Variants in TLE4 observed in about 807,000 individuals in gnomAD.
TLE4 encodes transducin-like enhancer protein 4.
In TLE4, 8 loss-of-function variants were observed where a neutral mutation model predicts 92.8. That is an observed-to-expected ratio of 0.09 (90% CI 0.05 to 0.16). The LOEUF (loss-of-function observed/expected upper bound fraction) is 0.16. Ranked by LOEUF, TLE4 falls within the 10% of genes least tolerant of loss-of-function variation. The pLI is 1.00. For missense variants in TLE4, 675 were observed against 997.6 expected (o/e 0.68, Z 4.36); for synonymous variants, 371 against 374.1 (o/e 0.99, Z 0.10).
chr9:79,591,104 G>A lies in TLE4; in HGVS notation c.252+14927G>A, dbSNP rs150456945. ...GGGCTAGCAGTTAGGAAAGGTAGGAGGCTTGCCTCCATGGAGAATCTAGTC... is the reference window on the plus strand; with the variant it reads ...GGGCTAGCAGTTAGGAAAGGTAGGAAGCTTGCCTCCATGGAGAATCTAGTC... On this transcript the variant is annotated intron_variant, in intron 4 of 19. Transcript: ENST00000376552. Among the ~76,000 whole-genome samples, 285 of 152,288 alleles carry A rather than the reference G, an allele frequency of 1.9e-3. 2 individuals are homozygous for A. Among genetic ancestry groups the A allele is most frequent in the Middle Eastern group, 3.4e-3 (1 of 294 alleles).
At chr9:79,673,129 G>A (rs1192717955) in intron 8 of TLE4, among the ~76,000 whole-genome samples, 2 of 152,152 alleles carry the variant, frequency 1.3e-5, no homozygotes, top group African/African-American at 4.8e-5. Context: ...GGAACGTGGA[G>A]GATACATCGC....
chr9:79,605,631 T>TG, intron 4 of TLE4, among the ~76,000 whole-genome samples: 1 of 152,154 alleles, frequency 6.6e-6, no homozygotes, highest in South Asian at 2.1e-4. Context: ...GCTTGAGCTC[T>TG]GGGGATAGAC....
At chr9:79,683,561 T>C (rs2065178456) in intron 8 of TLE4, among the ~76,000 whole-genome samples, 1 of 152,220 alleles carries the variant, frequency 6.6e-6, no homozygotes, top group Admixed American at 6.5e-5. Flanking sequence ...TTAGGAATCA[T>C]ACTGTGAGCC....
At chr9:79,716,020 T>C (rs1212941393) in intron 14 of TLE4, among the ~76,000 whole-genome samples, 1 of 152,124 alleles carries the variant, frequency 6.6e-6, no homozygotes, top group African/African-American at 2.4e-5. Context: ...CCCAGACTAG[T>C]TGTCTTTCGT....
chr9:79,679,841 C>A (rs1173967769), intron 8 of TLE4, among the ~76,000 whole-genome samples: 4 of 152,082 alleles, frequency 2.6e-5, no homozygotes, highest in Non-Finnish European at 5.9e-5. Flanking sequence ...ATATGGCTAG[C>A]CAGTTTTCCC....
rs530444539 is a variant in TLE4, at chr9:79,687,617, C to T, written c.610-17166C>T. ...AACCCTAATGAAGCAAGTCCCTTGT[C>T]ATTCCTTGGCCTCTTCCTTGCCCTT... On this transcript the variant is annotated intron_variant, in intron 8 of 19. Coordinates refer to ENST00000376552, the MANE Select transcript of TLE4 (RefSeq NM_007005.6). Among the ~76,000 whole-genome samples, 53 of 152,312 alleles carry T rather than the reference C, an allele frequency of 3.5e-4. No individual in the cohort carries two copies. The South Asian group carries it at 6.6e-3, about 19-fold the overall frequency.
chr9:79,699,392 G>A (rs2069138393), intron 8 of TLE4, among the ~76,000 whole-genome samples: 1 of 152,122 alleles, frequency 6.6e-6, no homozygotes, highest in Admixed American at 6.6e-5. Flanking sequence ...AATTCCTATA[G>A]TGACTGAACT....
intron 5 of TLE4, among the ~76,000 whole-genome samples, chr9:79,624,234 T>G (rs974886870): frequency 6.6e-6 from 1 of 151,544 alleles, no homozygotes; most frequent in African/African-American, 2.4e-5. Flanking sequence ...TGGGCTTCCT[T>G]GCATGTTCAT....
intron 4 of TLE4, among the ~76,000 whole-genome samples, chr9:79,610,942 A>G (rs2048227906): frequency 6.6e-6 from 1 of 152,022 alleles, no homozygotes; most frequent in Admixed American, 6.6e-5. Context: ...TATGTAAACA[A>G]CATAATGACG....
chr9:79,672,789 A>G (rs774418387), intron 8 of TLE4, among the ~76,000 whole-genome samples: 10 of 152,140 alleles, frequency 6.6e-5, no homozygotes, highest in Non-Finnish European at 1.3e-4. Context: ...GTTTCTTTGT[A>G]GAGATGTATG....
intron 4 of TLE4, among the ~76,000 whole-genome samples, chr9:79,610,796 A>C (rs1418819017): frequency 2.0e-5 from 3 of 152,048 alleles, no homozygotes; most frequent in African/African-American, 7.2e-5. Context: ...GCCTAGGTCC[A>C]AAATTTTATT....
intron 14 of TLE4, among the ~76,000 whole-genome samples, chr9:79,716,450 T>C (rs1291423436): frequency 6.6e-6 from 1 of 152,212 alleles, no homozygotes; most frequent in Non-Finnish European, 1.5e-5. Flanking sequence ...TCTGAGGTGT[T>C]TATCAGGTAT....
In TLE4 at chr9:79,704,840, G is replaced by A. The variant is rs747212824; in HGVS notation, c.667G>A (p.Ala223Thr). Residue 223 changes from alanine (A) to threonine (T), a missense_variant, in exon 9 of 20, where the codon GCA (alanine) becomes ACA (threonine). This residue lies in a region of TLE4 where 280 missense variants were observed against 287.3 expected (regional missense o/e 0.97). Transcript: ENST00000376552. ...FRGAEKHRNS[A>T]DYSSESKKQK... ...AGGTGCTGAGAAGCACAGAAACTCC[G>A]CAGACTACTCCTCAGAGAGCAAAAA... is the stretch of plus-strand genomic sequence containing the variant. 6.8e-6 allele frequency: 11 copies of A among 1,613,972 alleles called. No individual in the cohort carries two copies. The highest frequency in any genetic ancestry group is 5.5e-5 in the South Asian group (5 of 91,078).
At chr9:79,691,018 C>T (rs968002890) in intron 8 of TLE4, among the ~76,000 whole-genome samples, 1 of 152,054 alleles carries the variant, frequency 6.6e-6, no homozygotes, top group African/African-American at 2.4e-5. Context: ...AACTTGATTC[C>T]ATTCTAATTT....
chr9:79,697,008 A>G (rs891252255), intron 8 of TLE4, among the ~76,000 whole-genome samples: 1 of 152,226 alleles, frequency 6.6e-6, no homozygotes, highest in Non-Finnish European at 1.5e-5. Context: ...ATAAAGCAGT[A>G]GGTGAATGAG....
At chr9:79,593,731 T>G (rs1446571881) in intron 4 of TLE4, among the ~76,000 whole-genome samples, 2 of 152,236 alleles carry the variant, frequency 1.3e-5, no homozygotes, top group Non-Finnish European at 2.9e-5. Context: ...ATATATGCTG[T>G]GTCTGATGGA....
intron 8 of TLE4, among the ~76,000 whole-genome samples, chr9:79,664,181 G>T (rs1176465788): frequency 6.6e-6 from 1 of 152,224 alleles, no homozygotes; most frequent in Non-Finnish European, 1.5e-5. Context: ...AGTGAAGGGA[G>T]ATTTATCCCG....
At chr9:79,588,120 CTTTG>C (rs1195540202) in intron 4 of TLE4, among the ~76,000 whole-genome samples, 2 of 127,126 alleles carry the variant, frequency 1.6e-5, no homozygotes, top group African/African-American at 6.5e-5. Context: ...TGGTAAACTT[CTTTG>C]TTTATCCTTG....
At chr9:79,714,011 A>G (rs1203706698) in intron 14 of TLE4, among the ~76,000 whole-genome samples, 1 of 151,848 alleles carries the variant, frequency 6.6e-6, no homozygotes, top group African/African-American at 2.4e-5. Context: ...TTACAGGCAC[A>G]TGCGCCACCA....
Sources: allele counts gnomAD v4.1 joint callset (sites outside exome capture counted in the v4.1 genomes callset), GRCh38; gene constraint gnomAD v4.1.1; regional missense constraint gnomAD v4.1.1; transcripts MANE v1.5; gene names NCBI Gene and HGNC (gene_info 2026-07-23, HGNC 2026-07-21).